LRRC26: variants seen among roughly 807,000 people sequenced by gnomAD.
LRRC26 encodes leucine rich repeat containing 26.
A neutral mutation model predicts 15.3 loss-of-function variants in LRRC26; 17 were observed. The observed-to-expected ratio is 1.11, with a 90% confidence interval of 0.76 to 1.66. The LOEUF (loss-of-function observed/expected upper bound fraction) is 1.66. Among genes scored for constraint, LRRC26 ranks in the 40% most tolerant of loss-of-function variants. LRRC26 has a pLI of 0.00. For synonymous variants in LRRC26, 301 were observed against 272.1 expected, an observed-to-expected ratio of 1.11 and a Z score of -1.05; for missense variants, 573 against 501.0, an observed-to-expected ratio of 1.14 and a Z score of -1.37.
chr9:137,169,505 T>TGCGCAGCGC lies in LRRC26; in HGVS notation c.430_438dup (p.Ala144_Arg146dup), dbSNP rs771271756. Reference sequence around the variant, plus strand: ...AGCCGGTTGCCGGCCAATGAGAGGTTGCGCAGCGCGCGCAGCGGCGCGAAA... The same window carrying TGCGCAGCGC: ...AGCCGGTTGCCGGCCAATGAGAGGTTGCGCAGCGCGCGCAGCGCGCGCAGCGGCGCGAAA... On this transcript the variant is annotated inframe_insertion, in exon 1 of 2. Coordinates refer to ENST00000371542, the MANE Select transcript of LRRC26 (RefSeq NM_001013653.3). 7.7e-5 allele frequency: 117 copies of TGCGCAGCGC among 1,524,638 alleles called. 2 individuals carry two copies. The highest frequency in any genetic ancestry group is 1.7e-4 in the African/African-American group (12 of 70,560). 94.4% of individuals were successfully genotyped at this position (1,524,638 alleles called of 1,614,324 possible).
chr9:137,169,174 C>A lies in LRRC26; in HGVS notation c.685G>T (p.Val229Leu). 1.3e-6 allele frequency: 2 copies of A among 1,500,626 alleles called. No homozygotes were observed. Among genetic ancestry groups the A allele is most frequent in the Non-Finnish European group, 8.9e-7 (1 of 1,129,904 alleles). The allele number at this position is 1,500,626 out of a possible 1,614,324, so 93.0% of individuals were successfully genotyped here. The change falls in exon 2 of 2, where the codon GTG becomes TTG. Residue 229 changes from valine (V) to leucine (L), a missense_variant. Coordinates refer to ENST00000371542, the MANE Select transcript of LRRC26 (RefSeq NM_001013653.3). Reference sequence around the variant, plus strand: ...AGGCGTCCCGGCCACACGCAGAGCACCGTCTCGGCCTCTGTGGGACACAGA... The same window carrying A: ...AGGCGTCCCGGCCACACGCAGAGCAACGTCTCGGCCTCTGTGGGACACAGA... ...HPLPASEAET[V>L]LCVWPGRLTL...
chr9:137,169,445 G>A lies in LRRC26; in HGVS notation c.499C>T (p.Pro167Ser), dbSNP rs1834037747. 6.6e-7 allele frequency: 1 copy of A among 1,516,088 alleles called. No homozygotes were observed. The highest frequency in any genetic ancestry group is 8.8e-7 in the Non-Finnish European group (1 of 1,141,202). 93.9% of individuals were successfully genotyped at this position (1,516,088 alleles called of 1,614,324 possible). A position where few individuals can be genotyped will look rare whatever the true frequency, so the allele number is the denominator to read the frequency against. Residue 167 changes from proline to serine, a missense_variant, in exon 1 of 2, where the codon CCG becomes TCG. Pro to Ser is a moderately conservative substitution (Grantham distance 74). Coordinates refer to ENST00000371542, the MANE Select transcript of LRRC26 (RefSeq NM_001013653.3). ...TGCAGGCTGAGTGAGCGCAGCAGCGGGAGCGCGCCTAGCGCCGCGGGCTCC... is the reference window on the plus strand; with the variant it reads ...TGCAGGCTGAGTGAGCGCAGCAGCGAGAGCGCGCCTAGCGCCGCGGGCTCC... Reference protein sequence around the residue: ...RLEPAALGALPLLRSLSLQDN... With the variant: ...RLEPAALGALSLLRSLSLQDN...
Position 137,169,263 on chromosome 9 carries a change from C to A in LRRC26, c.673+8G>T. ...TGCAGACCCCGACCCGCGTCCCCAGCAGCTCACCTGACGCGGGCAGCGGGT... is the reference window on the plus strand; with the variant it reads ...TGCAGACCCCGACCCGCGTCCCCAGAAGCTCACCTGACGCGGGCAGCGGGT... On this transcript the variant is annotated splice_region_variant and intron_variant, in intron 1 of 1. Coordinates refer to ENST00000371542, the MANE Select transcript of LRRC26 (RefSeq NM_001013653.3). 7.3e-7 allele frequency: 1 copy of A among 1,373,188 alleles called. No individual in the cohort carries two copies. The highest frequency in any genetic ancestry group is 3.0e-5 in the East Asian group (1 of 32,874). 85.1% of individuals were successfully genotyped at this position (1,373,188 alleles called of 1,614,324 possible). A position where few individuals can be genotyped will look rare whatever the true frequency, so the allele number is the denominator to read the frequency against.
rs1473640032 is a variant in LRRC26 at position 137,169,625 on chromosome 9, G to C, written c.319C>G (p.Leu107Val). ...LQRLDLRENGLHSVHVRAFWG... is the reference protein window; with the variant it reads ...LQRLDLRENGVHSVHVRAFWG... ...AAGGCTCGCACATGCACCGAGTGCA[G>C]CCCGTTCTCGCGCAGGTCCAGGCGC... Residue 107 changes from leucine (L) to valine (V), a missense_variant, in exon 1 of 2, where the codon CTG becomes GTG. Leu to Val is a conservative substitution (Grantham distance 32, BLOSUM62 1). Coordinates refer to ENST00000371542, the MANE Select transcript of LRRC26 (RefSeq NM_001013653.3). The C allele has an allele frequency of 6.6e-7, 1 of 1,515,546 alleles. No individual in the cohort carries two copies. The allele number at this position is 1,515,546 out of a possible 1,614,324, so 93.9% of individuals were successfully genotyped here.
At position 137,169,983 on chromosome 9, in the gene LRRC26, C is replaced by T; in HGVS notation, c.-40G>A. 1 of 1,383,592 alleles carries T rather than the reference C, an allele frequency of 7.2e-7. No homozygotes were observed. The highest frequency in any genetic ancestry group is 9.3e-7 in the Non-Finnish European group (1 of 1,079,460). 85.7% of individuals were successfully genotyped at this position (1,383,592 alleles called of 1,614,324 possible). A position where few individuals can be genotyped will look rare whatever the true frequency, so the allele number is the denominator to read the frequency against. ...CGCCCCCGGCACCCGCGGTGGGAGGCCCGCTGCCTGTGCGTCCCTGGAGCC... is the reference window on the plus strand; with the variant it reads ...CGCCCCCGGCACCCGCGGTGGGAGGTCCGCTGCCTGTGCGTCCCTGGAGCC... On this transcript the variant is annotated 5_prime_UTR_variant, in exon 1 of 2. Coordinates refer to ENST00000371542, the MANE Select transcript of LRRC26 (RefSeq NM_001013653.3).
Position 137,169,595 on chromosome 9 carries a change from C to T in LRRC26, c.349G>A (p.Gly117Ser), listed in dbSNP as rs1461490511. The T allele has an allele frequency of 2.6e-6, 4 of 1,523,250 alleles. No individual in the cohort carries two copies. The highest frequency in any genetic ancestry group is 3.5e-6 in the Non-Finnish European group (4 of 1,141,542). The allele number at this position is 1,523,250 out of a possible 1,614,324, so 94.4% of individuals were successfully genotyped here. The change falls in exon 1 of 2, where the codon GGC (glycine) becomes AGC (serine). Residue 117 changes from glycine to serine, a missense_variant. By Grantham distance (56) the Gly-to-Ser change is moderately conservative (BLOSUM62 0). Transcript: ENST00000371542. The part of the protein sequence containing the change: ...LHSVHVRAFW[G>S]LGALQLLDLS... The stretch of plus-strand genomic sequence containing the variant: ...TCCAGCAGCTGCAGCGCGCCCAGGC[C>T]CCAGAAGGCTCGCACATGCACCGAG...
In LRRC26 at chr9:137,169,378, C is replaced by A; in HGVS notation, c.566G>T (p.Arg189Leu). The A allele has an allele frequency of 1.3e-6, 2 of 1,487,364 alleles. No homozygotes were observed. Among genetic ancestry groups the A allele is most frequent in the Non-Finnish European group, 1.8e-6 (2 of 1,128,106 alleles). 92.1% of individuals were successfully genotyped at this position (1,487,364 alleles called of 1,614,324 possible). A position where few individuals can be genotyped will look rare whatever the true frequency, so the allele number is the denominator to read the frequency against. The part of the protein sequence containing the change: ...LAALAPGLLG[R>L]LPALDALHLR... ...GTGCAGCGCGTCTAGAGCGGGCAGG[C>A]GGCCCAGCAGCCCCGGCGCGAGTGC... Residue 189 changes from arginine to leucine, a missense_variant, in exon 1 of 2, where the codon CGC becomes CTC. Coordinates refer to ENST00000371542, the MANE Select transcript of LRRC26 (RefSeq NM_001013653.3).
Position 137,168,970 on chromosome 9 carries a change from G to T in LRRC26, c.889C>A (p.Leu297Ile). 7.0e-7 allele frequency: 1 copy of T among 1,423,108 alleles called. No homozygotes were observed. Among genetic ancestry groups the T allele is most frequent in the Non-Finnish European group, 9.1e-7 (1 of 1,094,366 alleles). The allele number at this position is 1,423,108 out of a possible 1,614,324, so 88.2% of individuals were successfully genotyped here. The change falls in exon 2 of 2, where the codon CTC (leucine) becomes ATC (isoleucine). Residue 297 changes from leucine to isoleucine, a missense_variant. By Grantham distance (5) the Leu-to-Ile change is conservative. Coordinates refer to ENST00000371542, the MANE Select transcript of LRRC26 (RefSeq NM_001013653.3). ...GGCGGGCGGAGGGCGGCGGTGCGGA[G>T]GCGGCGGCGGCGCGCACGGCAGGCG... ...LTACRARRRR[L>I]RTAALRPPRP...
At position 137,169,441 on chromosome 9, in the gene LRRC26, A is replaced by G. The variant is rs775168886; in HGVS notation, c.503T>C (p.Leu168Pro). 2 of 1,516,380 alleles carry G rather than the reference A, an allele frequency of 1.3e-6. No individual in the cohort carries two copies. The highest frequency in any genetic ancestry group is 2.9e-5 in the African/African-American group (2 of 69,382). 93.9% of individuals were successfully genotyped at this position (1,516,380 alleles called of 1,614,324 possible). Residue 168 changes from leucine (L) to proline (P), a missense_variant, in exon 1 of 2, where the codon CTG (leucine) becomes CCG (proline). Physicochemically the swap from Leu to Pro is moderately conservative, Grantham distance 98 (BLOSUM62 -3). Coordinates refer to ENST00000371542, the MANE Select transcript of LRRC26 (RefSeq NM_001013653.3). The stretch of plus-strand genomic sequence containing the variant: ...GTCCTGCAGGCTGAGTGAGCGCAGC[A>G]GCGGGAGCGCGCCTAGCGCCGCGGG... ...LEPAALGALPLLRSLSLQDNE... is the reference protein window; with the variant it reads ...LEPAALGALPPLRSLSLQDNE...
chr9:137,169,717 A>C lies in LRRC26; in HGVS notation c.227T>G (p.Leu76Arg). ...PPGLSLRLRA[L>R]LLDHNRVRAL... The stretch of plus-strand genomic sequence containing the variant: ...ACGGACGCGGTTGTGGTCCAGCAGC[A>C]GCGCGCGCAGGCGCAGGCTCAGGCC... The change falls in exon 1 of 2, where the codon CTG becomes CGG. Residue 76 changes from leucine to arginine, a missense_variant. Physicochemically the swap from Leu to Arg is moderately radical, Grantham distance 102. Transcript: ENST00000371542. The C allele has an allele frequency of 6.8e-7, 1 of 1,466,898 alleles. No individual in the cohort carries two copies. Among genetic ancestry groups the C allele is most frequent in the South Asian group, 1.3e-5 (1 of 74,968 alleles). 90.9% of individuals were successfully genotyped at this position (1,466,898 alleles called of 1,614,324 possible).
In LRRC26 at chr9:137,168,910, G is replaced by A; in HGVS notation, c.949C>T (p.His317Tyr). 2 of 1,326,312 alleles carry A rather than the reference G, an allele frequency of 1.5e-6. No individual in the cohort carries two copies. Among genetic ancestry groups the A allele is most frequent in the East Asian group, 3.1e-5 (1 of 32,342 alleles). 82.2% of individuals were successfully genotyped at this position (1,326,312 alleles called of 1,614,324 possible). ...PPDPNPDPDP[H>Y]GCASPADPGS... is the part of the protein sequence containing the mutation. ...GGGTCCGCGGGCGAGGCACAGCCGT[G>A]GGGGTCGGGATCGGGGTTCGGGTCT... The change falls in exon 2 of 2, where the codon CAC becomes TAC. Residue 317 changes from histidine (H) to tyrosine (Y), a missense_variant. By Grantham distance (83) the His-to-Tyr change is moderately conservative (BLOSUM62 2). Coordinates refer to ENST00000371542, the MANE Select transcript of LRRC26 (RefSeq NM_001013653.3).
chr9:137,169,276 G>A lies in LRRC26; in HGVS notation c.668C>T (p.Ala223Val). 2 of 1,378,614 alleles carry A rather than the reference G, an allele frequency of 1.5e-6. No homozygotes were observed. Among genetic ancestry groups the A allele is most frequent in the Non-Finnish European group, 1.9e-6 (2 of 1,074,204 alleles). 85.4% of individuals were successfully genotyped at this position (1,378,614 alleles called of 1,614,324 possible). A position where few individuals can be genotyped will look rare whatever the true frequency, so the allele number is the denominator to read the frequency against. ...CAWLRRHPLP[A>V]SEAETVLCVW... ...CCGCGTCCCCAGCAGCTCACCTGAC[G>A]CGGGCAGCGGGTGCCGGCGCAGCCA... The change falls in exon 1 of 2, where the codon GCG (alanine) becomes GTG (valine). Residue 223 changes from alanine to valine, a missense_variant. Transcript: ENST00000371542.
Position 137,169,472 on chromosome 9 carries a change from GGC to G in LRRC26, c.470_471del (p.Arg157ProfsTer94). On this transcript the variant is annotated frameshift_variant, in exon 1 of 2. Transcript: ENST00000371542. LOFTEE classifies it high-confidence loss of function. ...AGCGCGCCTAGCGCCGCGGGCTCCA[GGC>G]GCGCCAGCCGGTTGCCGGCCAATGA... The part of the protein sequence containing the change: ...NLSLAGNRLA[R>X]LEPAALGALP... 6.6e-7 allele frequency: 1 copy of G among 1,521,296 alleles called. No homozygotes were observed. The highest frequency in any genetic ancestry group is 8.8e-7 in the Non-Finnish European group (1 of 1,141,968). The allele number at this position is 1,521,296 out of a possible 1,614,324, so 94.2% of individuals were successfully genotyped here.
In LRRC26 at chr9:137,168,924, G is replaced by C; in HGVS notation, c.935C>G (p.Pro312Arg). ...GGCACAGCCGTGGGGGTCGGGATCG[G>C]GGTTCGGGTCTGGCGGTCTCGGCGG... Reference protein sequence around the residue: ...LRPPRPPDPNPDPDPHGCASP... With the variant: ...LRPPRPPDPNRDPDPHGCASP... Residue 312 changes from proline (P) to arginine (R), a missense_variant, in exon 2 of 2, where the codon CCC becomes CGC. Physicochemically the swap from Pro to Arg is moderately radical, Grantham distance 103. Coordinates refer to ENST00000371542, the MANE Select transcript of LRRC26 (RefSeq NM_001013653.3). 6 of 1,362,644 alleles carry C rather than the reference G, an allele frequency of 4.4e-6. No homozygotes were observed. The highest frequency in any genetic ancestry group is 4.7e-6 in the Non-Finnish European group (5 of 1,065,096). 84.4% of individuals were successfully genotyped at this position (1,362,644 alleles called of 1,614,324 possible).
Position 137,169,800 on chromosome 9 carries a change from C to A in LRRC26, c.144G>T (p.Thr48=). 1 of 1,406,038 alleles carries A rather than the reference C, an allele frequency of 7.1e-7. No homozygotes were observed. The highest frequency in any genetic ancestry group is 9.2e-7 in the Non-Finnish European group (1 of 1,092,884). The allele number at this position is 1,406,038 out of a possible 1,614,324, so 87.1% of individuals were successfully genotyped here. ...AGCTGGCCAGGCCTCCCGGCACGCA[C>A]GTGCACACCTCGGGGCAGTCCGGGG... ...LGAPDCPEVC[T]CVPGGLASCS... The change falls in exon 1 of 2, where the codon ACG becomes ACT. Residue 48 remains threonine, a synonymous_variant. Transcript: ENST00000371542.
Position 137,169,046 on chromosome 9 carries a change from G to T in LRRC26, c.813C>A (p.Ala271=), listed in dbSNP as rs1338992876. The change falls in exon 2 of 2, where the codon GCC becomes GCA. Residue 271 remains alanine, a synonymous_variant. Transcript: ENST00000371542. Reference sequence around the variant, plus strand: ...AGGAAGCCAGGCTGACGAGGAAGGAGGCCGGCCCGAGCGTGTAAACCACGG... The same window carrying T: ...AGGAAGCCAGGCTGACGAGGAAGGATGCCGGCCCGAGCGTGTAAACCACGG... ...DLAVVYTLGP[A]SFLVSLASCL... 4.5e-6 allele frequency: 7 copies of T among 1,541,558 alleles called. No homozygotes were observed. In the South Asian group the frequency reaches 6.0e-5, roughly 13 times the overall value.
Position 137,169,662 on chromosome 9 carries a change from C to T in LRRC26, c.282G>A (p.Ala94=). 3.3e-6 allele frequency: 5 copies of T among 1,501,818 alleles called. No individual in the cohort carries two copies. The South Asian group carries it at 5.0e-5, about 15-fold the overall frequency. The allele number at this position is 1,501,818 out of a possible 1,614,324, so 93.0% of individuals were successfully genotyped here. ...RALPPGAFAG[A]GALQRLDLRE... The stretch of plus-strand genomic sequence containing the variant: ...GCAGGTCCAGGCGCTGTAGCGCGCC[C>T]GCTCCCGCGAAGGCACCTGGCGGCA... The change falls in exon 1 of 2, where the codon GCG becomes GCA. Residue 94 remains alanine (A), a synonymous_variant. Transcript: ENST00000371542.
chr9:137,169,535 C>A lies in LRRC26; in HGVS notation c.409G>T (p.Gly137Trp). 1 of 1,524,624 alleles carries A rather than the reference C, an allele frequency of 6.6e-7. No homozygotes were observed. The highest frequency in any genetic ancestry group is 2.6e-5 in the East Asian group (1 of 39,182). 94.4% of individuals were successfully genotyped at this position (1,524,624 alleles called of 1,614,324 possible). A position where few individuals can be genotyped will look rare whatever the true frequency, so the allele number is the denominator to read the frequency against. The change falls in exon 1 of 2, where the codon GGG (glycine) becomes TGG (tryptophan). Residue 137 changes from glycine to tryptophan, a missense_variant. Physicochemically the swap from Gly to Trp is radical, Grantham distance 184. Coordinates refer to ENST00000371542, the MANE Select transcript of LRRC26 (RefSeq NM_001013653.3). ...SANQLEALAP[G>W]TFAPLRALRN... is the part of the protein sequence containing the mutation. Reference sequence around the variant, plus strand: ...AGCGCGCGCAGCGGCGCGAAAGTCCCTGGTGCCAGTGCTTCCAGCTGGTTG... The same window carrying A: ...AGCGCGCGCAGCGGCGCGAAAGTCCATGGTGCCAGTGCTTCCAGCTGGTTG...
chr9:137,169,418 C>T lies in LRRC26; in HGVS notation c.526G>A (p.Asp176Asn). The T allele has an allele frequency of 1.3e-6, 2 of 1,515,942 alleles. No homozygotes were observed. The highest frequency in any genetic ancestry group is 8.8e-7 in the Non-Finnish European group (1 of 1,141,260). The allele number at this position is 1,515,942 out of a possible 1,614,324, so 93.9% of individuals were successfully genotyped here. The change falls in exon 1 of 2, where the codon GAC (aspartate) becomes AAC (asparagine). Residue 176 changes from aspartate to asparagine, a missense_variant. By Grantham distance (23) the Asp-to-Asn change is conservative. Transcript: ENST00000371542. ...LPLLRSLSLQ[D>N]NELAALAPGL... The stretch of plus-strand genomic sequence containing the variant: ...GGCGCGAGTGCCGCCAGCTCGTTGT[C>T]CTGCAGGCTGAGTGAGCGCAGCAGC...
Sources: gnomAD v4.1 joint callset for allele counts on GRCh38, gnomAD v4.1.1 for gene constraint, MANE v1.5 for transcripts, NCBI Gene and HGNC (gene_info 2026-07-23, HGNC 2026-07-21) for gene names.